ATIC: variants seen among roughly 807,000 people sequenced by gnomAD.
The protein encoded by ATIC is 5-aminoimidazole-4-carboxamide ribonucleotide formyltransferase/IMP cyclohydrolase, also known as bifunctional purine biosynthesis protein ATIC.
In ATIC, 64 loss-of-function variants were observed where a neutral mutation model predicts 72.5. The observed-to-expected ratio is 0.88, with a 90% confidence interval of 0.72 to 1.09. The LOEUF is 1.09. ATIC is among the 50% of genes least tolerant of loss of function. The pLI is 0.00. For missense variants in ATIC, 787 were observed against 732.4 expected (o/e 1.07, Z -0.86); for synonymous variants, 281 against 267.1 (o/e 1.05, Z -0.51).
At chr2:215,360,851 T>G in the ATIC span, 1 of 152,674 alleles carries the variant, frequency 6.5e-6, no homozygotes. Flanking sequence ...ATCAAATAGA[T>G]GAACTTCAAG....
intron 13 of ATIC, chr2:215,345,093 C>T (rs1387013372): frequency 1.7e-6 from 1 of 593,382 alleles, no homozygotes; most frequent in Non-Finnish European, 3.0e-6. Flanking sequence ...TGTGCTGCTT[C>T]TTGCCTTGAA....
At position 215,344,115 on chromosome 2, in the gene ATIC, G is replaced by A. The variant is rs141607083; in HGVS notation, c.1228-664G>A. On this transcript the variant is annotated intron_variant, in intron 12 of 15. Transcript: ENST00000236959. ...TGGTTCTGAACGTAAATTTTACCAT[G>A]TCTCCAGATATTTAAAAGTACTCTG... 6.9e-3 allele frequency among the ~76,000 whole-genome samples: 1,054 copies of A among 152,290 alleles called. 14 individuals carry two copies. The highest frequency in any genetic ancestry group is 0.024 in the African/African-American group (994 of 41,558).
At chr2:215,328,877 C>G in intron 7 of ATIC, among the ~76,000 whole-genome samples, 1 of 152,000 alleles carries the variant, frequency 6.6e-6, no homozygotes, top group South Asian at 2.1e-4. Context: ...GCCACCACAC[C>G]TGGCTAATTT....
rs778622505 is a variant in ATIC, at chr2:215,325,971, C to G, written c.380-16C>G. 3.1e-6 allele frequency: 5 copies of G among 1,613,776 alleles called. No individual in the cohort carries two copies. The highest frequency in any genetic ancestry group is 8.5e-7 in the Non-Finnish European group (1 of 1,179,732). On this transcript the variant is annotated splice_polypyrimidine_tract_variant and intron_variant, in intron 5 of 15. Transcript: ENST00000236959. Reference sequence around the variant, plus strand: ...TAGGGACATACAAAAATCAATAAGTCTTTTGTTCTTCAAAGGTGGAGTAAC... The same window carrying G: ...TAGGGACATACAAAAATCAATAAGTGTTTTGTTCTTCAAAGGTGGAGTAAC...
intron 4 of ATIC, among the ~76,000 whole-genome samples, chr2:215,321,314 C>T (rs1238170230): frequency 1.3e-5 from 2 of 151,516 alleles, no homozygotes; most frequent in Admixed American, 6.6e-5. Flanking sequence ...ATCAATAGTT[C>T]ATTTCGTTTT....
intron 14 of ATIC, among the ~76,000 whole-genome samples, chr2:215,348,420 T>C (rs1029958380): frequency 9.2e-5 from 14 of 152,106 alleles, no homozygotes; most frequent in Non-Finnish European, 2.9e-5. Context: ...CTAATAGACA[T>C]AAAGTAGTAG....
chr2:215,365,724 G>T, the ATIC span: 2 of 1,181,246 alleles, frequency 1.7e-6, no homozygotes, highest in Non-Finnish European at 2.5e-6. Flanking sequence ...AGGGTCTTCA[G>T]AACCATGATC....
chr2:215,316,855 C>T (rs1440947791), intron 2 of ATIC, among the ~76,000 whole-genome samples: 16 of 152,076 alleles, frequency 1.1e-4, no homozygotes, highest in Admixed American at 3.3e-4. Flanking sequence ...CTCCGCCTCC[C>T]GGGTTCAAGC....
At position 215,332,404 on chromosome 2, in the gene ATIC, T is replaced by C; in HGVS notation, c.711T>C (p.Phe237=). 2 of 1,614,120 alleles carry C rather than the reference T, an allele frequency of 1.2e-6. No individual in the cohort carries two copies. The highest frequency in any genetic ancestry group is 2.2e-5 in the South Asian group (2 of 91,084). The change falls in exon 8 of 16, where the codon TTT becomes TTC. Residue 237 remains phenylalanine (F), a synonymous_variant. Coordinates refer to ENST00000236959, the MANE Select transcript of ATIC (RefSeq NM_004044.7). ...PITVLNGAPG[F]INLCDALNAW... ...TAGTTCTAAATGGAGCCCCTGGATT[T>C]ATAAACTTGTGCGATGCTTTGAACG...
chr2:215,343,845 A>T (rs954032154), intron 12 of ATIC, among the ~76,000 whole-genome samples: 2 of 152,222 alleles, frequency 1.3e-5, no homozygotes, highest in Non-Finnish European at 2.9e-5. Flanking sequence ...TCCATTTAGC[A>T]TACAGACGTG....
intron 14 of ATIC, 170 bp from the exon 15 acceptor site, chr2:215,348,924 C>T: frequency 2.1e-6 from 1 of 468,164 alleles, no homozygotes; most frequent in Non-Finnish European, 3.4e-6. Flanking sequence ...CACCACTGCA[C>T]TCCAGCCTGG....
chr2:215,364,739 G>A, the ATIC span: 10 of 694,566 alleles, frequency 1.4e-5, no homozygotes, highest in Non-Finnish European at 2.1e-5. Context: ...CTCTATGTCA[G>A]CAGTTGTATG....
intron 10 of ATIC, 98 bp downstream of exon 10, chr2:215,335,102 AAT>A (rs1263655350): frequency 1.5e-5 from 9 of 609,786 alleles, no homozygotes; most frequent in East Asian, 3.6e-5. Flanking sequence ...TTATATTTAT[AAT>A]ATCTTTTAAT....
intron 9 of ATIC, 23 bp from the exon 10 acceptor site, chr2:215,334,896 C>T: frequency 6.3e-7 from 1 of 1,581,502 alleles, no homozygotes; most frequent in South Asian, 1.1e-5. Context: ...GTGATAAATA[C>T]CTCATTTTAA....
the ATIC span, chr2:215,360,736 C>G: frequency 6.6e-6 from 1 of 152,546 alleles, no homozygotes; most frequent in African/African-American, 2.4e-5. Flanking sequence ...TTTAGAAAAT[C>G]TTGTACTGAA....
intron 4 of ATIC, 106 bp from the exon 5 acceptor site, chr2:215,325,133 CTA>C: frequency 2.4e-6 from 2 of 821,984 alleles, no homozygotes; most frequent in East Asian, 4.9e-5. Flanking sequence ...TATTAGTTCT[CTA>C]TGGCTTTTGT....
chr2:215,349,371 A>T, intron 15 of ATIC, 122 bp downstream of exon 15: 1 of 1,572,562 alleles, frequency 6.4e-7, no homozygotes, highest in Non-Finnish European at 8.7e-7. Flanking sequence ...TATTCAGAGA[A>T]CCATTTGACT....
Position 215,349,094 on chromosome 2 carries a change from G to T in ATIC, c.1504G>T (p.Asp502Tyr). 1 of 1,614,094 alleles carries T rather than the reference G, an allele frequency of 6.2e-7. No individual in the cohort carries two copies. The highest frequency in any genetic ancestry group is 1.6e-4 in the Middle Eastern group (1 of 6,062). The change falls in exon 15 of 16, where the codon GAT (aspartate) becomes TAT (tyrosine). Residue 502 changes from aspartate (D) to tyrosine (Y), a missense_variant and splice_region_variant. Coordinates refer to ENST00000236959, the MANE Select transcript of ATIC (RefSeq NM_004044.7). ...TCTTCCTTTCTCTCTCCCCGCATAG[G>T]ATGAAGATTTGATAAAGTGGAAGGC... ...DQYVTGTIGE[D>Y]EDLIKWKALF...
downstream of ATIC, among the ~76,000 whole-genome samples, chr2:215,353,251 T>A (rs12694362): frequency 0.93 from 141,136 of 152,120 alleles, 65,499 homozygotes; most frequent in East Asian, 1. Context: ...CCCACTTTTA[T>A]TTCCTTCCTT....
Sources: allele counts gnomAD v4.1 joint callset (sites outside exome capture counted in the v4.1 genomes callset), GRCh38; gene constraint gnomAD v4.1.1; transcripts MANE v1.5; gene names NCBI Gene and HGNC (gene_info 2026-07-23, HGNC 2026-07-21).